PPP1R12B: variants seen among roughly 807,000 people sequenced by gnomAD.
The protein encoded by PPP1R12B is myosin phosphatase target subunit 2.
Under a neutral mutation model 126.1 loss-of-function variants are expected in PPP1R12B, and 76 were observed. The observed-to-expected ratio is 0.60, with a 90% CI of 0.50 to 0.73. The LOEUF (loss-of-function observed/expected upper bound fraction) is 0.73, where lower values mean the gene tolerates loss of function less well. PPP1R12B is among the 30% of genes least tolerant of loss of function. PPP1R12B has a pLI of 0.00. For synonymous variants in PPP1R12B, 356 were observed against 434.7 expected, an observed-to-expected ratio of 0.82 and a Z score of 2.25; for missense variants, 1,052 against 1,205.1, an observed-to-expected ratio of 0.87 and a Z score of 1.88.
Position 202,580,610 on chromosome 1 carries a change from CA to C in PPP1R12B, c.*51del. The C allele has an allele frequency of 6.9e-7, 1 of 1,441,346 alleles. No homozygotes were observed. Among genetic ancestry groups the C allele is most frequent in the Non-Finnish European group, 9.8e-7 (1 of 1,022,996 alleles). 89.3% of individuals were successfully genotyped at this position (1,441,346 alleles called of 1,614,324 possible). On this transcript the variant is annotated 3_prime_UTR_variant, in exon 24 of 24. Coordinates refer to ENST00000608999, the MANE Select transcript of PPP1R12B (RefSeq NM_002481.4). ...AGAAAGGGACAGCATTTGCTGCCCC[CA>C]CCCCTCTTTTCCAGTCCTTGCCTTC...
At chr1:202,494,279 A>G (rs189538095) in intron 15 of PPP1R12B, among the ~76,000 whole-genome samples, 1 of 152,268 alleles carries the variant, frequency 6.6e-6, no homozygotes, top group Admixed American at 6.5e-5. Context: ...TCTTAATTTA[A>G]TCCTCATAAT....
chr1:202,445,363 T>C, intron 12 of PPP1R12B: 1 of 752,668 alleles, frequency 1.3e-6, no homozygotes, highest in Non-Finnish European at 1.8e-6. Flanking sequence ...CTGAATTTAA[T>C]GAAGATGCTT....
intron 18 of PPP1R12B, among the ~76,000 whole-genome samples, chr1:202,537,784 A>G (rs1234314042): frequency 6.6e-6 from 1 of 152,206 alleles, no homozygotes; most frequent in Non-Finnish European, 1.5e-5. Context: ...CATTCAACAT[A>G]TCAAAAAAGT....
chr1:202,569,471 G>C (rs778949037), intron 23 of PPP1R12B, among the ~76,000 whole-genome samples: 44 of 152,242 alleles, frequency 2.9e-4, no homozygotes, highest in Non-Finnish European at 4.6e-4. Flanking sequence ...ACAAACTTGA[G>C]TTTAACTTTT....
intron 1 of PPP1R12B, among the ~76,000 whole-genome samples, chr1:202,392,158 A>G (rs555342911): frequency 8.4e-4 from 128 of 151,766 alleles, no homozygotes; most frequent in Non-Finnish European, 1.2e-3. Flanking sequence ...AAATGAAAAC[A>G]TGTGTCCATA....
intron 18 of PPP1R12B, among the ~76,000 whole-genome samples, chr1:202,549,957 G>T (rs1460022067): frequency 1.3e-5 from 2 of 152,128 alleles, no homozygotes; most frequent in African/African-American, 4.8e-5. Flanking sequence ...AGGAGTCAGA[G>T]GCCACACACA....
In PPP1R12B at chr1:202,585,162, A is replaced by C. The variant is rs1231135663; in HGVS notation, c.*4602A>C. ...AGGTGTGCACCACCATGCCCAGCTA[A>C]TTTTTGAATTTTTTTGTAGAGATGG... is the stretch of plus-strand genomic sequence containing the variant. On this transcript the variant is annotated 3_prime_UTR_variant, in exon 24 of 24. Transcript: ENST00000608999. The C allele has an allele frequency of 6.6e-6, 1 of 152,198 alleles. No individual in the cohort carries two copies. The highest frequency in any genetic ancestry group is 2.4e-5 in the African/African-American group (1 of 41,414). 9.4% of individuals were successfully genotyped at this position (152,198 alleles called of 1,614,324 possible).
intron 13 of PPP1R12B, among the ~76,000 whole-genome samples, chr1:202,482,175 G>A (rs113947729): frequency 2.6e-5 from 4 of 151,796 alleles, no homozygotes; most frequent in African/African-American, 7.3e-5. Context: ...TTTTGTTAAC[G>A]TAAATAGTGC....
At chr1:202,435,765 G>C (rs1200909126) in intron 9 of PPP1R12B, among the ~76,000 whole-genome samples, 1 of 152,192 alleles carries the variant, frequency 6.6e-6, no homozygotes, top group Admixed American at 6.5e-5. Flanking sequence ...TTCATGAATT[G>C]GAAAGATGGG....
rs774355384 is a variant in PPP1R12B, at chr1:202,580,495, G to A, written c.2884G>A (p.Asp962Asn). Reference protein sequence around the residue: ...EMKVLTELKSDNQRLKDENGA... With the variant: ...EMKVLTELKSNNQRLKDENGA... Reference sequence around the variant, plus strand: ...ACAGGTGTTAACAGAACTGAAATCCGACAACCAGAGGCTGAAAGATGAAAA... The same window carrying A: ...ACAGGTGTTAACAGAACTGAAATCCAACAACCAGAGGCTGAAAGATGAAAA... The change falls in exon 24 of 24, where the codon GAC (aspartate) becomes AAC (asparagine). Residue 962 changes from aspartate to asparagine, a missense_variant. Physicochemically the swap from Asp to Asn is conservative, Grantham distance 23 (BLOSUM62 1). Transcript: ENST00000608999. The A allele has an allele frequency of 4.3e-6, 7 of 1,613,748 alleles. No individual in the cohort carries two copies. Among genetic ancestry groups the A allele is most frequent in the South Asian group, 3.3e-5 (3 of 91,060 alleles).
chr1:202,403,869 C>G (rs1267824883), intron 1 of PPP1R12B, among the ~76,000 whole-genome samples: 1 of 152,168 alleles, frequency 6.6e-6, no homozygotes, highest in Non-Finnish European at 1.5e-5. Flanking sequence ...CCATGTTATC[C>G]TTTCTCACCA....
At chr1:202,446,232 CTCTCTA>C (rs1244792220) in intron 12 of PPP1R12B, among the ~76,000 whole-genome samples, 5 of 73,424 alleles carry the variant, frequency 6.8e-5, no homozygotes, top group Admixed American at 1.9e-4. Context: ...CTCTCTCTCT[CTCTCTA>C]TATATATATA....
intron 1 of PPP1R12B, among the ~76,000 whole-genome samples, chr1:202,360,363 C>T (rs2148404399): frequency 6.6e-6 from 1 of 152,284 alleles, no homozygotes; most frequent in South Asian, 2.1e-4. Flanking sequence ...CATCACATCA[C>T]AAGAAGCTCC....
rs879146238 is a variant in PPP1R12B at position 202,348,739 on chromosome 1, T to G, written c.-113T>G. 6.7e-6 allele frequency: 9 copies of G among 1,341,022 alleles called. No individual in the cohort carries two copies. The highest frequency in any genetic ancestry group is 1.5e-5 in the South Asian group (1 of 65,080). The allele number at this position is 1,341,022 out of a possible 1,614,324, so 83.1% of individuals were successfully genotyped here. A position where few individuals can be genotyped will look rare whatever the true frequency, so the allele number is the denominator to read the frequency against. ...AGGAGTAAAGATGGCGGCGCGAGGGTCTCCGCCCTCTGCTCCGGGCTGAAG... is the reference window on the plus strand; with the variant it reads ...AGGAGTAAAGATGGCGGCGCGAGGGGCTCCGCCCTCTGCTCCGGGCTGAAG... On this transcript the variant is annotated 5_prime_UTR_variant, in exon 1 of 24. Transcript: ENST00000608999.
intron 1 of PPP1R12B, among the ~76,000 whole-genome samples, chr1:202,414,737 T>C (rs1667840473): frequency 6.6e-6 from 1 of 152,198 alleles, no homozygotes; most frequent in Non-Finnish European, 1.5e-5. Flanking sequence ...AAAAAGTGGC[T>C]AGTTCATCTC....
At chr1:202,392,503 A>C (rs1391496732) in intron 1 of PPP1R12B, among the ~76,000 whole-genome samples, 1 of 151,372 alleles carries the variant, frequency 6.6e-6, no homozygotes, top group Admixed American at 6.6e-5. Context: ...CAATAGCTAG[A>C]GGATACAGGA....
At chr1:202,436,372 G>C (rs1670817325) in intron 9 of PPP1R12B, among the ~76,000 whole-genome samples, 1 of 152,188 alleles carries the variant, frequency 6.6e-6, no homozygotes, top group Admixed American at 6.5e-5. Context: ...CTTGTAAAAA[G>C]CTGACATTAT....
At chr1:202,439,093 C>G in intron 10 of PPP1R12B, 1 of 1,489,336 alleles carries the variant, frequency 6.7e-7, no homozygotes, top group Non-Finnish European at 9.4e-7. Context: ...TCACCTCCAG[C>G]GCCAAAGTGG....
At chr1:202,548,632 G>T (rs1685908013) in intron 18 of PPP1R12B, among the ~76,000 whole-genome samples, 1 of 151,736 alleles carries the variant, frequency 6.6e-6, no homozygotes, top group African/African-American at 2.4e-5. Flanking sequence ...GCCAAAGTCA[G>T]AATTTTACAT....
Sources: gnomAD v4.1 joint callset for allele counts (sites outside exome capture counted in the v4.1 genomes callset) on GRCh38, gnomAD v4.1.1 for gene constraint, MANE v1.5 for transcripts, NCBI Gene and HGNC (gene_info 2026-07-23, HGNC 2026-07-21) for gene names.